Variants in SYNE1 observed in about 807,000 individuals in gnomAD.
SYNE1 encodes nesprin-1.
SYNE1 carries 616 observed loss-of-function variants against 1,111.0 expected under a neutral mutation model. The ratio of observed to expected loss-of-function variants is 0.55; its 90% confidence interval spans 0.52 to 0.59. The LOEUF (loss-of-function observed/expected upper bound fraction) is 0.59, where lower values mean the gene tolerates loss of function less well. SYNE1 is among the 20% of genes least tolerant of loss of function. The probability of loss-of-function intolerance (pLI) is 0.00; values close to 1 mark genes in which losing one functional copy is unlikely to be tolerated. For missense variants in SYNE1, 10,006 were observed against 10,417.0 expected (o/e 0.96, Z 1.72); for synonymous variants, 3,855 against 3,825.8 (o/e 1.01, Z -0.28).
chr6:152,566,895 T>C (rs1259900764), intron 3 of SYNE1, among the ~76,000 whole-genome samples: 1 of 152,200 alleles, frequency 6.6e-6, no homozygotes, highest in Non-Finnish European at 1.5e-5. Flanking sequence ...TGTTATTGTA[T>C]ATATTTAAGT....
Position 152,468,357 on chromosome 6 carries a change from G to GT in SYNE1, c.1633-2280dup, listed in dbSNP as rs372175486. Among the ~76,000 whole-genome samples, 320 of 151,018 alleles carry GT rather than the reference G, an allele frequency of 2.1e-3. 1 individual carries two copies. The highest frequency in any genetic ancestry group is 6.2e-3 in the African/African-American group (256 of 41,178). ...CACACAGTCCACAATTTCAAGAGCT[G>GT]TTTTTTTTTCTTTCATGTGAAAGAT... On this transcript the variant is annotated intron_variant, in intron 16 of 145. Coordinates refer to ENST00000367255, the MANE Select transcript of SYNE1 (RefSeq NM_182961.4).
intron 145 of SYNE1, among the ~76,000 whole-genome samples, chr6:152,124,181 C>G (rs1186095661): frequency 6.6e-6 from 1 of 152,142 alleles, no homozygotes; most frequent in Non-Finnish European, 1.5e-5. Context: ...TGGCGTGTGC[C>G]TGTAGTCCCA....
intron 122 of SYNE1, among the ~76,000 whole-genome samples, chr6:152,214,405 G>A (rs1303537952): frequency 6.6e-6 from 1 of 152,024 alleles, no homozygotes; most frequent in Non-Finnish European, 1.5e-5. Context: ...CAGTGTTATG[G>A]GAAAGATCAG....
intron 104 of SYNE1, among the ~76,000 whole-genome samples, chr6:152,253,690 A>G (rs2089952933): frequency 6.6e-6 from 1 of 151,992 alleles, no homozygotes; most frequent in South Asian, 2.1e-4. Context: ...AAAAAATGAA[A>G]CTCAAATGTT....
At chr6:152,445,985 T>C (rs2098584380) in intron 29 of SYNE1, among the ~76,000 whole-genome samples, 1 of 152,120 alleles carries the variant, frequency 6.6e-6, no homozygotes, top group African/African-American at 2.4e-5. Context: ...TGTATGAACA[T>C]TCATTAGAGA....
chr6:152,405,173 C>T (rs2097878717), intron 45 of SYNE1, among the ~76,000 whole-genome samples: 1 of 152,204 alleles, frequency 6.6e-6, no homozygotes, highest in Non-Finnish European at 1.5e-5. Context: ...GAATCTGATT[C>T]ACTGATTTTA....
intron 16 of SYNE1, among the ~76,000 whole-genome samples, chr6:152,469,311 A>G (rs1380615741): frequency 6.6e-6 from 1 of 152,100 alleles, no homozygotes; most frequent in Admixed American, 6.6e-5. Flanking sequence ...AATTCCTACC[A>G]TTTCATTATT....
At chr6:152,468,786 A>AT (rs1270623750) in intron 16 of SYNE1, among the ~76,000 whole-genome samples, 3 of 151,834 alleles carry the variant, frequency 2.0e-5, no homozygotes, top group Admixed American at 2.0e-4. Context: ...TTTTATTTTT[A>AT]TTTTTTTGAA....
At chr6:152,455,645 C>A (rs1420658190) in intron 23 of SYNE1, 55 bp from the exon 24 acceptor site, 1 of 1,607,018 alleles carries the variant, frequency 6.2e-7, no homozygotes, top group Non-Finnish European at 8.5e-7. Flanking sequence ...CTGAAAGGAT[C>A]ATTTTGTTAG....
rs1376960873 is a variant in SYNE1, at chr6:152,308,605, C to T, written c.17230G>A (p.Glu5744Lys). The T allele has an allele frequency of 1.2e-6, 2 of 1,605,624 alleles. No individual in the cohort carries two copies. The highest frequency in any genetic ancestry group is 1.7e-6 in the Non-Finnish European group (2 of 1,175,514). The change falls in exon 91 of 146, where the codon GAG (glutamate) becomes AAG (lysine). Residue 5744 changes from glutamate (E) to lysine (K), a missense_variant. Coordinates refer to ENST00000367255, the MANE Select transcript of SYNE1 (RefSeq NM_182961.4). ...TGCTGGAGATGTTTCATTTCTTGCT[C>T]ATATTGTTCATATTGTACCACAGCT... Reference protein sequence around the residue: ...QEAVVQYEQYEQEMKHLQQLI... With the variant: ...QEAVVQYEQYKQEMKHLQQLI...
In SYNE1 at chr6:152,485,225, T is replaced by C. The variant is rs186007019; in HGVS notation, c.1048-253A>G. 7.2e-5 allele frequency among the ~76,000 whole-genome samples: 11 copies of C among 152,308 alleles called. No homozygotes were observed. In the East Asian group the frequency reaches 2.1e-3, roughly 29 times the overall value. On this transcript the variant is annotated intron_variant, in intron 12 of 145. Transcript: ENST00000367255. ...CCATCACCCTACACATGCATTATTA[T>C]TCTGAAGCCCAGAAATGACTTATCA...
chr6:152,465,854 T>C, intron 17 of SYNE1, 128 bp downstream of exon 17: 1 of 704,782 alleles, frequency 1.4e-6, no homozygotes, highest in South Asian at 1.6e-5. Context: ...CAGTATGTGT[T>C]CTCCTGGCCA....
At chr6:152,157,910 C>T (rs2152969107) in intron 131 of SYNE1, among the ~76,000 whole-genome samples, 1 of 152,222 alleles carries the variant, frequency 6.6e-6, no homozygotes, top group African/African-American at 2.4e-5. Context: ...AGGCGCCCAC[C>T]ACCATGCCTG....
rs373669421 is a variant in SYNE1, at chr6:152,326,988, G to A, written c.14956-355C>T. Among the ~76,000 whole-genome samples the A allele has an allele frequency of 6.6e-5, 10 of 152,274 alleles. 1 individual carries two copies. The highest frequency in any genetic ancestry group is 3.9e-4 in the East Asian group (2 of 5,176). ...TTTATCAAAGTGCAGTAATGTCTCCGTTGGTTAGAAGTATAACAACACGGC... is the reference window on the plus strand; with the variant it reads ...TTTATCAAAGTGCAGTAATGTCTCCATTGGTTAGAAGTATAACAACACGGC... On this transcript the variant is annotated intron_variant, in intron 78 of 145. Coordinates refer to ENST00000367255, the MANE Select transcript of SYNE1 (RefSeq NM_182961.4).
At chr6:152,413,989 TA>T in intron 41 of SYNE1, among the ~76,000 whole-genome samples, 1 of 43,456 alleles carries the variant, frequency 2.3e-5, no homozygotes, top group Non-Finnish European at 3.8e-5. Context: ...CTGCAGAATA[TA>T]TATATATATA....
chr6:152,602,274 T>C (rs1007704124), intron 3 of SYNE1, among the ~76,000 whole-genome samples: 5 of 152,090 alleles, frequency 3.3e-5, no homozygotes, highest in Non-Finnish European at 7.3e-5. Flanking sequence ...TAATCTACGA[T>C]AACTAGTGTC....
intron 91 of SYNE1, among the ~76,000 whole-genome samples, chr6:152,303,469 G>A (rs1237904885): frequency 6.6e-6 from 1 of 150,862 alleles, no homozygotes; most frequent in Non-Finnish European, 1.5e-5. Flanking sequence ...AAATAATTGT[G>A]TACATACATA....
intron 92 of SYNE1, among the ~76,000 whole-genome samples, chr6:152,301,441 A>C (rs572358147): frequency 1.3e-5 from 2 of 152,356 alleles, no homozygotes; most frequent in Admixed American, 6.5e-5. Context: ...AAATTGTATT[A>C]CACATTTATA....
chr6:152,421,150 G>C (rs1044741081), intron 39 of SYNE1, among the ~76,000 whole-genome samples: 3 of 152,318 alleles, frequency 2.0e-5, no homozygotes. Flanking sequence ...CCTTTATAAA[G>C]TTCCTGACCT....
Sources: gnomAD v4.1 joint callset for allele counts (sites outside exome capture counted in the v4.1 genomes callset) on GRCh38, gnomAD v4.1.1 for gene constraint, MANE v1.5 for transcripts, NCBI Gene and HGNC (gene_info 2026-07-23, HGNC 2026-07-21) for gene names.